TBC1D4: variants seen among roughly 807,000 people sequenced by gnomAD.
TBC1D4 encodes TBC (Tre-2, BUB2, CDC16) domain-containing protein.
TBC1D4 carries 121 observed loss-of-function variants against 142.5 expected under a neutral mutation model. That is an observed-to-expected ratio of 0.85 (90% confidence interval 0.73 to 0.99). The LOEUF is 0.99. Among genes scored for constraint, TBC1D4 ranks in the 50% least tolerant of loss-of-function variants. The pLI is 0.00. For missense variants in TBC1D4, 1,475 were observed against 1,606.6 expected, an observed-to-expected ratio of 0.92 and a Z score of 1.40; for synonymous variants, 630 against 628.2, an observed-to-expected ratio of 1.00 and a Z score of -0.04.
intron 16 of TBC1D4, among the ~76,000 whole-genome samples, chr13:75,301,246 T>A (rs1363716407): frequency 2.0e-5 from 3 of 152,104 alleles, no homozygotes; most frequent in Non-Finnish European, 4.4e-5. Flanking sequence ...ATAATGTAGA[T>A]ATTTTTAAAT....
In TBC1D4 at chr13:75,341,198, A is replaced by G; in HGVS notation, c.1538T>C (p.Leu513Pro). Reference protein sequence around the residue: ...KPVSDQEENELVILHLRQLCE... With the variant: ...KPVSDQEENEPVILHLRQLCE... The stretch of plus-strand genomic sequence containing the variant: ...CAGCTGCCTCAGGTGTAAAATCACA[A>G]GTTCATTTTCTTCCTGGTCACTGAC... Residue 513 changes from leucine to proline, a missense_variant, in exon 7 of 21, where the codon CTT becomes CCT. Around this residue, in one of 2 missense-constraint regions of TBC1D4, gnomAD observed 1,227 missense variants for 1,267.7 expected, o/e 0.97. Coordinates refer to ENST00000377636, the MANE Select transcript of TBC1D4 (RefSeq NM_014832.5). 6.2e-7 allele frequency: 1 copy of G among 1,613,672 alleles called. No homozygotes were observed. The highest frequency in any genetic ancestry group is 1.1e-5 in the South Asian group (1 of 91,030).
At chr13:75,396,911 G>A (rs967539485) in intron 1 of TBC1D4, among the ~76,000 whole-genome samples, 5 of 152,080 alleles carry the variant, frequency 3.3e-5, no homozygotes, top group African/African-American at 1.2e-4. Context: ...ATTTTAGAGA[G>A]CTTACTTAAA....
At chr13:75,428,529 T>C (rs987828511) in intron 1 of TBC1D4, among the ~76,000 whole-genome samples, 9 of 152,206 alleles carry the variant, frequency 5.9e-5, no homozygotes, top group African/African-American at 2.2e-4. Context: ...TAATGTATAA[T>C]AATTTCCTTT....
At chr13:75,422,517 T>C (rs1479865151) in intron 1 of TBC1D4, among the ~76,000 whole-genome samples, 2 of 152,226 alleles carry the variant, frequency 1.3e-5, no homozygotes, top group Non-Finnish European at 1.5e-5. Context: ...CATTTTAAAA[T>C]ATTGAGAATT....
intron 8 of TBC1D4, among the ~76,000 whole-genome samples, chr13:75,329,530 G>A (rs1593737108): frequency 6.6e-6 from 1 of 151,322 alleles, no homozygotes; most frequent in East Asian, 2.0e-4. Flanking sequence ...ATATAGGCTT[G>A]CTCTACAAAG....
chr13:75,416,048 C>A (rs1189130874), intron 1 of TBC1D4, among the ~76,000 whole-genome samples: 3 of 152,198 alleles, frequency 2.0e-5, no homozygotes, highest in African/African-American at 7.2e-5. Flanking sequence ...TTGTACAAAG[C>A]AAATGCATAA....
intron 1 of TBC1D4, among the ~76,000 whole-genome samples, chr13:75,393,664 G>T (rs1027383232): frequency 6.6e-6 from 1 of 152,158 alleles, no homozygotes; most frequent in Non-Finnish European, 1.5e-5. Context: ...GGGCACAGTG[G>T]CTCATGCCTG....
At chr13:75,315,429 T>TATATATATATACACAC (rs60926673) in intron 12 of TBC1D4, among the ~76,000 whole-genome samples, 2 of 146,262 alleles carry the variant, frequency 1.4e-5, no homozygotes, top group African/African-American at 2.5e-5. Context: ...CACACACATA[T>TATATATATATACACAC]ATATATATAT....
intron 1 of TBC1D4, among the ~76,000 whole-genome samples, chr13:75,382,872 T>C (rs1020453366): frequency 6.6e-6 from 1 of 152,212 alleles, no homozygotes; most frequent in Non-Finnish European, 1.5e-5. Flanking sequence ...TATATACAAT[T>C]CAAATTAATT....
intron 17 of TBC1D4, among the ~76,000 whole-genome samples, chr13:75,297,315 T>A (rs1314085131): frequency 6.6e-6 from 1 of 152,232 alleles, no homozygotes; most frequent in African/African-American, 2.4e-5. Flanking sequence ...ATAGCTATTA[T>A]CCTTTTATCT....
At chr13:75,464,381 A>G (rs1888087362) in intron 1 of TBC1D4, among the ~76,000 whole-genome samples, 1 of 152,270 alleles carries the variant, frequency 6.6e-6, no homozygotes, top group Non-Finnish European at 1.5e-5. Context: ...AAACATGAGC[A>G]TGAGCAATCT....
chr13:75,340,029 C>A (rs1880550946), intron 7 of TBC1D4, among the ~76,000 whole-genome samples: 1 of 152,192 alleles, frequency 6.6e-6, no homozygotes. Flanking sequence ...ACTACAGATT[C>A]TTTTTTAAAG....
chr13:75,300,540 A>G (rs1457056167), intron 16 of TBC1D4, among the ~76,000 whole-genome samples: 1 of 152,226 alleles, frequency 6.6e-6, no homozygotes, highest in Non-Finnish European at 1.5e-5. Flanking sequence ...CAATAAGATT[A>G]ATTCTGCAGA....
At chr13:75,297,321 T>C (rs1348783517) in intron 17 of TBC1D4, among the ~76,000 whole-genome samples, 1 of 152,238 alleles carries the variant, frequency 6.6e-6, no homozygotes, top group Middle Eastern at 3.2e-3. Context: ...ATTATCCTTT[T>C]ATCTGTGGAC....
intron 4 of TBC1D4, among the ~76,000 whole-genome samples, chr13:75,355,341 T>C (rs1204027680): frequency 2.0e-5 from 3 of 152,138 alleles, no homozygotes; most frequent in African/African-American, 4.8e-5. Context: ...TAAAATGACA[T>C]GGGAAGATGG....
At chr13:75,414,516 C>A (rs1315910008) in intron 1 of TBC1D4, among the ~76,000 whole-genome samples, 1 of 151,830 alleles carries the variant, frequency 6.6e-6, no homozygotes, top group African/African-American at 2.4e-5. Flanking sequence ...TGTGTATGTG[C>A]ATGTGTGTAT....
intron 17 of TBC1D4, 118 bp from the exon 18 acceptor site, chr13:75,295,131 T>C: frequency 1.1e-6 from 1 of 945,074 alleles, no homozygotes; most frequent in Non-Finnish European, 1.6e-6. Context: ...TAAGTAGTAT[T>C]ACTTTATTTT....
rs532911025 is a variant in TBC1D4 at position 75,313,715 on chromosome 13, C to T, written c.2223-817G>A. 7.9e-5 allele frequency among the ~76,000 whole-genome samples: 12 copies of T among 152,164 alleles called. No individual in the cohort carries two copies. In the South Asian group the frequency reaches 1.9e-3, roughly 24 times the overall value. On this transcript the variant is annotated intron_variant, in intron 12 of 20. Coordinates refer to ENST00000377636, the MANE Select transcript of TBC1D4 (RefSeq NM_014832.5). Reference sequence around the variant, plus strand: ...TTTTTAAAAAAATCTTCGTAGAGACCGGGTCCCATTGTGTTGTCCAGTCTG... The same window carrying T: ...TTTTTAAAAAAATCTTCGTAGAGACTGGGTCCCATTGTGTTGTCCAGTCTG...
At chr13:75,427,394 A>G (rs1416195614) in intron 1 of TBC1D4, among the ~76,000 whole-genome samples, 1 of 152,222 alleles carries the variant, frequency 6.6e-6, no homozygotes, top group African/African-American at 2.4e-5. Flanking sequence ...GGAACTTTCA[A>G]GATGGGTGCA....
Sources: allele counts gnomAD v4.1 joint callset (sites outside exome capture counted in the v4.1 genomes callset), GRCh38; gene constraint gnomAD v4.1.1; regional missense constraint gnomAD v4.1.1; transcripts MANE v1.5; gene names NCBI Gene and HGNC (gene_info 2026-07-23, HGNC 2026-07-21).